Variants in CZIB observed in about 807,000 individuals in gnomAD.
CZIB encodes the protein CXXC motif containing zinc binding protein.
CZIB carries 26 observed loss-of-function variants against 28.3 expected under a neutral mutation model. The ratio of observed to expected loss-of-function variants is 0.92; its 90% CI spans 0.67 to 1.27. The LOEUF (loss-of-function observed/expected upper bound fraction) is 1.27. Among genes scored for constraint, CZIB ranks in the 50% most tolerant of loss-of-function variants. CZIB has a pLI of 0.00. For synonymous variants in CZIB, 78 were observed against 71.1 expected, an observed-to-expected ratio of 1.10 and a Z score of -0.49; for missense variants, 179 against 197.3, an observed-to-expected ratio of 0.91 and a Z score of 0.56.
chr1:53,214,566 A>T lies in CZIB; in HGVS notation c.*93T>A. ...GAAGGTTTCGTATAGCCACCAGGAG[A>T]CAAGGGTCAAAGGAACGAGCCTCTG... On this transcript the variant is annotated 3_prime_UTR_variant, in exon 8 of 8. Coordinates refer to ENST00000294360, the MANE Select transcript of CZIB (RefSeq NM_017887.3). The T allele has an allele frequency of 9.4e-7, 1 of 1,060,356 alleles. No homozygotes were observed. Among genetic ancestry groups the T allele is most frequent in the Non-Finnish European group, 1.4e-6 (1 of 699,988 alleles). 65.7% of individuals were successfully genotyped at this position (1,060,356 alleles called of 1,614,324 possible). A position where few individuals can be genotyped will look rare whatever the true frequency, so the allele number is the denominator to read the frequency against.
intron 3 of CZIB, 21 bp downstream of exon 3, chr1:53,218,846 G>C (rs1387849922): frequency 1.2e-6 from 2 of 1,604,500 alleles, no homozygotes; most frequent in Non-Finnish European, 1.7e-6. Context: ...TTATGTTGGG[G>C]GTTGGGCGGG....
At chr1:53,219,140 C>A in intron 2 of CZIB, 1 of 575,082 alleles carries the variant, frequency 1.7e-6, no homozygotes, top group Non-Finnish European at 3.1e-6. Flanking sequence ...CCACCCTCCT[C>A]TATGAAGTGC....
Position 53,218,561 on chromosome 1 carries a change from GC to G in CZIB, c.148-67del, listed in dbSNP as rs1403226353. The G allele has an allele frequency of 5.3e-6, 8 of 1,497,716 alleles. No homozygotes were observed. In the African/African-American group the frequency reaches 6.9e-5, roughly 13 times the overall value. 92.8% of individuals were successfully genotyped at this position (1,497,716 alleles called of 1,614,324 possible). A position where few individuals can be genotyped will look rare whatever the true frequency, so the allele number is the denominator to read the frequency against. On this transcript the variant is annotated intron_variant, in intron 3 of 7. Coordinates refer to ENST00000294360, the MANE Select transcript of CZIB (RefSeq NM_017887.3). The stretch of plus-strand genomic sequence containing the variant: ...AGATGTACAGTCCTGAGGAGATCGA[GC>G]CCACCATTTATTGTCCACTTAAAGA...
At chr1:53,218,696 A>C in intron 3 of CZIB, 171 bp downstream of exon 3, 1 of 787,988 alleles carries the variant, frequency 1.3e-6, no homozygotes, top group Non-Finnish European at 2.1e-6. Context: ...CTCATACCTC[A>C]AAGATGCCTA....
intron 1 of CZIB, 91 bp from the exon 2 acceptor site, chr1:53,220,435 C>A: frequency 1.3e-6 from 2 of 1,573,166 alleles, no homozygotes; most frequent in East Asian, 4.5e-5. Context: ...GTGGGTGCCA[C>A]AGGGAGACAC....
In CZIB at chr1:53,220,269, A is replaced by G; in HGVS notation, c.82T>C (p.Tyr28His). ...LRPVGEDFRWYLKMKCGNCGE... is the reference protein window; with the variant it reads ...LRPVGEDFRWHLKMKCGNCGE... ...CCCCGCCCCGGCCGCACCTTCAGGT[A>G]CCACCGGAAGTCCTCGCCCACGGGC... is the stretch of plus-strand genomic sequence containing the variant. The change falls in exon 2 of 8, where the codon TAC (tyrosine) becomes CAC (histidine). Residue 28 changes from tyrosine to histidine, a missense_variant. Tyr to His is a moderately conservative substitution (Grantham distance 83). Coordinates refer to ENST00000294360, the MANE Select transcript of CZIB (RefSeq NM_017887.3). 1.2e-6 allele frequency: 2 copies of G among 1,613,272 alleles called. No homozygotes were observed. The highest frequency in any genetic ancestry group is 2.2e-5 in the East Asian group (1 of 44,866).
Position 53,214,680 on chromosome 1 carries a change from G to A in CZIB, c.462C>T (p.Thr154=), listed in dbSNP as rs1472775070. 1 of 1,614,070 alleles carries A rather than the reference G, an allele frequency of 6.2e-7. No homozygotes were observed. Residue 154 remains threonine (T), a synonymous_variant, in exon 8 of 8, where the codon ACC becomes ACT. Transcript: ENST00000294360. ...GGGATCAGCACTTCACAAACTGGTG[G>A]GTGACCTCATAGATTCCCACAGACT... ...AQESVGIYEV[T]HQFVKC
At chr1:53,216,161 G>C (rs1051051311) in intron 6 of CZIB, 105 bp from the exon 7 acceptor site, 49 of 1,025,714 alleles carry the variant, frequency 4.8e-5, no homozygotes, top group Non-Finnish European at 6.4e-5. Context: ...CTGGGATGGA[G>C]GACAGAGATG....
chr1:53,216,164 C>CA (rs1645471812), intron 6 of CZIB, 108 bp from the exon 7 acceptor site: 1 of 998,682 alleles, frequency 1.0e-6, no homozygotes, highest in Admixed American at 1.8e-5. Context: ...GGATGGAGGA[C>CA]AGAGATGCAG....
intron 3 of CZIB, 142 bp from the exon 4 acceptor site, chr1:53,218,637 C>T (rs1645490159): frequency 2.2e-6 from 2 of 909,372 alleles, no homozygotes; most frequent in African/African-American, 1.7e-5. Flanking sequence ...CCTGGGAAGG[C>T]TTCCTGAGGA....
intron 5 of CZIB, chr1:53,217,891 G>C (rs1281022941): frequency 2.4e-6 from 1 of 415,398 alleles, no homozygotes; most frequent in East Asian, 4.1e-5. Flanking sequence ...CTAAAATGAA[G>C]ACAAGGCAAG....
In CZIB at chr1:53,218,500, C is replaced by T. The variant is rs201416768; in HGVS notation, c.148-5G>A. ...CCCCTTCAGTGCCACACTGTCCTGG[C>T]AAAAAGCAAACAGAACTTTCAGTCA... is the stretch of plus-strand genomic sequence containing the variant. On this transcript the variant is annotated splice_polypyrimidine_tract_variant and splice_region_variant and intron_variant, in intron 3 of 7. Coordinates refer to ENST00000294360, the MANE Select transcript of CZIB (RefSeq NM_017887.3). 11 of 1,613,938 alleles carry T rather than the reference C, an allele frequency of 6.8e-6. No individual in the cohort carries two copies. Among genetic ancestry groups the T allele is most frequent in the Non-Finnish European group, 9.3e-6 (11 of 1,179,922 alleles).
intron 7 of CZIB, among the ~76,000 whole-genome samples, 194 bp from the exon 8 acceptor site, chr1:53,214,930 A>C (rs1645460462): frequency 6.6e-6 from 1 of 152,230 alleles, no homozygotes; most frequent in African/African-American, 2.4e-5. Context: ...CAAATCACTT[A>C]ACTTCTCTGA....
intron 2 of CZIB, chr1:53,219,200 C>G: frequency 7.7e-6 from 3 of 387,576 alleles, no homozygotes; most frequent in African/African-American, 2.1e-5. Context: ...ATGGTTTCAG[C>G]GGAGGTGAGG....
chr1:53,214,861 T>C, intron 7 of CZIB, 125 bp from the exon 8 acceptor site: 2 of 696,308 alleles, frequency 2.9e-6, no homozygotes, highest in East Asian at 5.3e-5. Context: ...TGTATGACCC[T>C]GAACAGAGCC....
At chr1:53,217,083 G>A (rs1054893826) in intron 5 of CZIB, 2 of 495,812 alleles carry the variant, frequency 4.0e-6, no homozygotes, top group East Asian at 6.8e-5. Context: ...CGTGGATGCT[G>A]GGGTCAACCT....
In CZIB at chr1:53,215,167, C is replaced by T. The variant is rs187694016; in HGVS notation, c.406-431G>A. The stretch of plus-strand genomic sequence containing the variant: ...CCATCCTGGCCAACAAGGTGAAACC[C>T]GGTCTCTACTAAAAATACAAAAAAT... On this transcript the variant is annotated intron_variant, in intron 7 of 7. Transcript: ENST00000294360. Among the ~76,000 whole-genome samples the T allele has an allele frequency of 3.2e-3, 494 of 152,130 alleles. 3 individuals carry two copies. The highest frequency in any genetic ancestry group is 0.011 in the African/African-American group (475 of 41,496).
At position 53,214,585 on chromosome 1, in the gene CZIB, G is replaced by T. The variant is rs1645456694; in HGVS notation, c.*74C>A. On this transcript the variant is annotated 3_prime_UTR_variant, in exon 8 of 8. Transcript: ENST00000294360. ...CAGGAGACAAGGGTCAAAGGAACGA[G>T]CCTCTGTGGGCTCTGCTGCTTAGAG... The T allele has an allele frequency of 3.0e-6, 4 of 1,314,374 alleles. No individual in the cohort carries two copies. The highest frequency in any genetic ancestry group is 2.3e-4 in the Middle Eastern group (1 of 4,402). The allele number at this position is 1,314,374 out of a possible 1,614,324, so 81.4% of individuals were successfully genotyped here. A position where few individuals can be genotyped will look rare whatever the true frequency, so the allele number is the denominator to read the frequency against.
intron 2 of CZIB, 75 bp from the exon 3 acceptor site, chr1:53,218,998 G>T (rs897855878): frequency 7.7e-7 from 1 of 1,297,634 alleles, no homozygotes; most frequent in Non-Finnish European, 1.1e-6. Flanking sequence ...AGAACAGTGG[G>T]AGGTGGGCAG....
Sources: gnomAD v4.1 joint callset for allele counts (sites outside exome capture counted in the v4.1 genomes callset) on GRCh38, gnomAD v4.1.1 for gene constraint, MANE v1.5 for transcripts, NCBI Gene and HGNC (gene_info 2026-07-23, HGNC 2026-07-21) for gene names.